Variants in ARHGAP39 observed in about 807,000 individuals in gnomAD.
The protein encoded by ARHGAP39 is rho GTPase-activating protein 39.
Under a neutral mutation model 106.9 loss-of-function variants are expected in ARHGAP39, and 44 were observed. The observed-to-expected ratio is 0.41, with a 90% CI of 0.32 to 0.53. ARHGAP39 has a LOEUF of 0.53. ARHGAP39 is among the 20% of genes least tolerant of loss of function. The probability of loss-of-function intolerance (pLI) is 0.21; values close to 1 mark genes in which losing one functional copy is unlikely to be tolerated. For missense variants in ARHGAP39, 1,496 were observed against 1,577.3 expected, an observed-to-expected ratio of 0.95 and a Z score of 0.87; for synonymous variants, 768 against 693.2, an observed-to-expected ratio of 1.11 and a Z score of -1.69.
At chr8:144,682,320 CGGGT>C (rs1822445734) in intron 1 of ARHGAP39, among the ~76,000 whole-genome samples, 1 of 147,462 alleles carries the variant, frequency 6.8e-6, no homozygotes, top group Non-Finnish European at 1.5e-5. Flanking sequence ...GAGGCTGAGG[CGGGT>C]GGATCACGAG....
intron 2 of ARHGAP39, among the ~76,000 whole-genome samples, chr8:144,589,805 C>A (rs756486515): frequency 3.3e-5 from 5 of 152,232 alleles, no homozygotes; most frequent in African/African-American, 1.2e-4. Flanking sequence ...TGGGCACAGC[C>A]CAGGCGCCTG....
intron 1 of ARHGAP39, among the ~76,000 whole-genome samples, chr8:144,614,947 A>T (rs1315365330): frequency 6.6e-6 from 1 of 152,176 alleles, no homozygotes; most frequent in African/African-American, 2.4e-5. Context: ...TAGTTTCCTT[A>T]TATGAACACA....
chr8:144,629,114 C>T (rs965155341), intron 1 of ARHGAP39, among the ~76,000 whole-genome samples: 2 of 152,222 alleles, frequency 1.3e-5, no homozygotes, highest in African/African-American at 4.8e-5. Flanking sequence ...TGTAGGTTCA[C>T]AAAGTGCACA....
chr8:144,557,348 G>A (rs11781750), intron 3 of ARHGAP39, among the ~76,000 whole-genome samples: 52 of 13,598 alleles, frequency 3.8e-3, no homozygotes, highest in Non-Finnish European at 5.5e-3. Context: ...CTGAACCTTC[G>A]TAGTATTCAG....
intron 1 of ARHGAP39, among the ~76,000 whole-genome samples, chr8:144,635,326 C>G (rs1422033448): frequency 1.3e-5 from 2 of 152,138 alleles, no homozygotes; most frequent in African/African-American, 2.4e-5. Flanking sequence ...TATGTAATGA[C>G]GCTTCCATAA....
intron 1 of ARHGAP39, among the ~76,000 whole-genome samples, chr8:144,638,538 C>A (rs1821233379): frequency 6.6e-6 from 1 of 152,204 alleles, no homozygotes; most frequent in African/African-American, 2.4e-5. Flanking sequence ...CTCTCTGTCA[C>A]TTTCCCCGTC....
rs999626578 is a variant in ARHGAP39 at position 144,644,803 on chromosome 8, T to C, written c.-81-39108A>G. On this transcript the variant is annotated intron_variant, in intron 1 of 11. Coordinates refer to ENST00000377307, the MANE Select transcript of ARHGAP39 (RefSeq NM_025251.3). This position sits in a 1 kb window ranked among gnomAD's most constrained non-coding sequence, Gnocchi z 4.8. ...TTGGCTGCACCTGCACTCTGAGTCA[T>C]TGCAGGCACCAAACCCAAGCCCTGT... Among the ~76,000 whole-genome samples the C allele has an allele frequency of 3.9e-5, 6 of 152,200 alleles. No homozygotes were observed. Among genetic ancestry groups the C allele is most frequent in the African/African-American group, 1.2e-4 (5 of 41,438 alleles).
rs550073622 is a variant in ARHGAP39, at chr8:144,550,011, G to A, written c.597-1522C>T. ...GGAATGGCCAGGCATGGTGGCTCAC[G>A]TCTGTAATCCAAAGACATTGGGAGG... On this transcript the variant is annotated intron_variant, in intron 4 of 11. Coordinates refer to ENST00000377307, the MANE Select transcript of ARHGAP39 (RefSeq NM_025251.3). 7.9e-4 allele frequency among the ~76,000 whole-genome samples: 120 copies of A among 152,116 alleles called. 1 individual carries two copies. Among genetic ancestry groups the A allele is most frequent in the Non-Finnish European group, 4.9e-4 (33 of 67,986 alleles).
At chr8:144,693,351 C>G in the ARHGAP39 span, among the ~76,000 whole-genome samples, 1 of 151,556 alleles carries the variant, frequency 6.6e-6, no homozygotes, top group African/African-American at 2.4e-5. Context: ...GCGTGAGCCA[C>G]CGCGCCCGGC....
At chr8:144,682,589 G>GCTTA (rs1482352656) in intron 1 of ARHGAP39, among the ~76,000 whole-genome samples, 1 of 151,276 alleles carries the variant, frequency 6.6e-6, no homozygotes, top group Non-Finnish European at 1.5e-5. Flanking sequence ...TCTCACAACA[G>GCTTA]CTTAGCAGGC....
At chr8:144,606,392 C>G (rs912683162) in intron 1 of ARHGAP39, among the ~76,000 whole-genome samples, 1 of 152,200 alleles carries the variant, frequency 6.6e-6, no homozygotes, top group Non-Finnish European at 1.5e-5. Flanking sequence ...GTGAACACGA[C>G]GAGGATGAAG....
At chr8:144,698,331 TC>T in the ARHGAP39 span, among the ~76,000 whole-genome samples, 1 of 152,206 alleles carries the variant, frequency 6.6e-6, no homozygotes, top group Non-Finnish European at 1.5e-5. Context: ...GTGCCATGCT[TC>T]CTGCACAGCC....
At chr8:144,553,211 G>C (rs1264580315) in intron 4 of ARHGAP39, among the ~76,000 whole-genome samples, 1 of 152,184 alleles carries the variant, frequency 6.6e-6, no homozygotes, top group Non-Finnish European at 1.5e-5. Flanking sequence ...CTCCACCCCA[G>C]GAGATGTTAG....
chr8:144,669,957 C>A (rs1822060104), intron 1 of ARHGAP39, among the ~76,000 whole-genome samples: 1 of 152,200 alleles, frequency 6.6e-6, no homozygotes. Flanking sequence ...AACAGTTTGG[C>A]ATTTCCTCAA....
chr8:144,620,347 G>A (rs1440347682), intron 1 of ARHGAP39, among the ~76,000 whole-genome samples: 1 of 118 alleles, frequency 8.5e-3, no homozygotes. Context: ...CCAAGGGAGC[G>A]TGTGTGCCCG....
intron 3 of ARHGAP39, among the ~76,000 whole-genome samples, chr8:144,569,126 C>T (rs1022246023): frequency 6.6e-6 from 1 of 152,068 alleles, no homozygotes; most frequent in Non-Finnish European, 1.5e-5. Context: ...ATGAGAGATA[C>T]CATGCTAACA....
chr8:144,623,068 C>T (rs1820844978), intron 1 of ARHGAP39, among the ~76,000 whole-genome samples: 1 of 152,204 alleles, frequency 6.6e-6, no homozygotes, highest in African/African-American at 2.4e-5. Context: ...GAGGGCAAGT[C>T]CTGTGTGGAC....
chr8:144,582,962 C>T (rs913560627), intron 2 of ARHGAP39, among the ~76,000 whole-genome samples: 9 of 152,320 alleles, frequency 5.9e-5, no homozygotes, highest in East Asian at 5.8e-4. Flanking sequence ...TCGGCTTGCT[C>T]GGCTCAGACC....
In ARHGAP39 at chr8:144,600,489, T is replaced by C. The variant is rs1563697591; in HGVS notation, c.80+5046A>G. Among the ~76,000 whole-genome samples the C allele has an allele frequency of 3.5e-5, 5 of 143,222 alleles. 1 individual carries two copies. In the South Asian group the frequency reaches 9.3e-4, roughly 27 times the overall value. 94.0% of individuals were successfully genotyped at this position (143,222 alleles called of 152,430 possible). ...ACCTGCGTGTGCATCGAGGCGTGTG[T>C]GCACACTTGGGTACCTACCTGCGTG... On this transcript the variant is annotated intron_variant, in intron 2 of 11. Transcript: ENST00000377307.
Sources: gnomAD v4.1 joint callset for allele counts (sites outside exome capture counted in the v4.1 genomes callset) on GRCh38, gnomAD v4.1.1 for gene constraint, Gnocchi (gnomAD v3.1) non-coding constraint, MANE v1.5 for transcripts, NCBI Gene and HGNC (gene_info 2026-07-23, HGNC 2026-07-21) for gene names.